The following VAC14 variants were observed in gnomAD, a reference collection of about 807,000 sequenced individuals.
VAC14 encodes VAC14 component of PIKFYVE complex, also known as protein VAC14 homolog.
A neutral mutation model predicts 85.3 loss-of-function variants in VAC14; 47 were observed. The ratio of observed to expected loss-of-function variants is 0.55; its 90% CI spans 0.44 to 0.70. The LOEUF (loss-of-function observed/expected upper bound fraction) is 0.70. VAC14 is among the 30% of genes least tolerant of loss of function. The probability of loss-of-function intolerance (pLI) is 0.00; values close to 1 mark genes in which losing one functional copy is unlikely to be tolerated. For synonymous variants in VAC14, 447 were observed against 430.5 expected, an observed-to-expected ratio of 1.04 and a Z score of -0.47; for missense variants, 861 against 1,004.3, an observed-to-expected ratio of 0.86 and a Z score of 1.93.
intron 12 of VAC14, among the ~76,000 whole-genome samples, chr16:70,761,519 C>T (rs1597961074): frequency 6.6e-6 from 1 of 152,200 alleles, no homozygotes; most frequent in Non-Finnish European, 1.5e-5. Flanking sequence ...CAAACCCTGC[C>T]GCTTGGCTGG....
At chr16:70,774,404 C>T (rs541867175) in intron 9 of VAC14, among the ~76,000 whole-genome samples, 21 of 152,296 alleles carry the variant, frequency 1.4e-4, no homozygotes, top group Non-Finnish European at 2.2e-4. Context: ...TGCACCCTAT[C>T]GGGGGAACGT....
At chr16:70,723,818 G>A (rs545873511) in intron 14 of VAC14, among the ~76,000 whole-genome samples, 35 of 152,246 alleles carry the variant, frequency 2.3e-4, no homozygotes, top group Non-Finnish European at 4.7e-4. Flanking sequence ...TGAACCTGAT[G>A]AGGGGTCTGA....
chr16:70,718,838 G>A (rs2054223593), intron 14 of VAC14, among the ~76,000 whole-genome samples: 2 of 152,186 alleles, frequency 1.3e-5, no homozygotes, highest in African/African-American at 2.4e-5. Context: ...ATGCCCAGGC[G>A]ATGTGGTGGC....
Position 70,688,070 on chromosome 16 carries a change from G to A in VAC14, c.2207C>T (p.Pro736Leu), listed in dbSNP as rs1170143905. 1.3e-6 allele frequency: 2 copies of A among 1,592,212 alleles called. No individual in the cohort carries two copies. The highest frequency in any genetic ancestry group is 1.7e-4 in the Middle Eastern group (1 of 6,000). ...AGGGGAGTCAGCTTTCTGGGACTTG[G>A]GGGCTGCCTTTAGACTGTCTCTGGG... is the stretch of plus-strand genomic sequence containing the variant. ...LQTEDSLKAA[P>L]KSQKADSPSI... The change falls in exon 19 of 19, where the codon CCC becomes CTC. Residue 736 changes from proline (P) to leucine (L), a missense_variant. This residue lies in a region of VAC14 where 163 missense variants were observed against 162.2 expected (regional missense o/e 1.00). Transcript: ENST00000261776.
At chr16:70,782,762 C>A (rs1479206799) in intron 7 of VAC14, among the ~76,000 whole-genome samples, 1 of 152,230 alleles carries the variant, frequency 6.6e-6, no homozygotes, top group Non-Finnish European at 1.5e-5. Flanking sequence ...GCCAAGTTCA[C>A]CAGTAAGGAA....
chr16:70,734,975 C>T (rs1368351713), intron 13 of VAC14, among the ~76,000 whole-genome samples: 2 of 152,192 alleles, frequency 1.3e-5, no homozygotes, highest in East Asian at 3.8e-4. Context: ...CTGCCTGTCT[C>T]TTCGGCACTA....
intron 12 of VAC14, among the ~76,000 whole-genome samples, chr16:70,746,653 A>G (rs968052248): frequency 6.6e-6 from 1 of 152,254 alleles, no homozygotes; most frequent in Non-Finnish European, 1.5e-5. Context: ...CACTGAGGAC[A>G]GAGCCTCCAG....
chr16:70,750,039 C>CTT, intron 12 of VAC14, among the ~76,000 whole-genome samples: 2 of 152,336 alleles, frequency 1.3e-5, no homozygotes, highest in South Asian at 4.1e-4. Flanking sequence ...ACCTGGAGAC[C>CTT]CTGCAACCCT....
In VAC14 at chr16:70,763,055, G is replaced by A. The variant is rs73577152; in HGVS notation, c.1161-30C>T. 5,692 of 1,613,720 alleles carry A rather than the reference G, an allele frequency of 3.5e-3. 159 individuals carry two copies. In the African/African-American group the frequency reaches 0.063, roughly 18 times the overall value. ...GGGTAAGATCGGGAGGGAGAGCAGA[G>A]GTGAAGCCCACCATAGCCCTCTCCC... On this transcript the variant is annotated intron_variant, in intron 10 of 18. Coordinates refer to ENST00000261776, the MANE Select transcript of VAC14 (RefSeq NM_018052.5).
chr16:70,772,851 A>G (rs1202340243), intron 9 of VAC14: 2 of 152,258 alleles, frequency 1.3e-5, no homozygotes, highest in Non-Finnish European at 2.9e-5. Context: ...AGATGAATGG[A>G]TAAATGAGGT....
chr16:70,772,297 G>T, intron 9 of VAC14, 125 bp from the exon 10 acceptor site: 1 of 787,606 alleles, frequency 1.3e-6, no homozygotes, highest in South Asian at 1.7e-5. Flanking sequence ...CTCTTCAAAA[G>T]GACCATGGCT....
At chr16:70,792,515 C>A (rs2034383190) in intron 1 of VAC14, among the ~76,000 whole-genome samples, 1 of 152,244 alleles carries the variant, frequency 6.6e-6, no homozygotes, top group South Asian at 2.1e-4. Flanking sequence ...CCTCTAGAGG[C>A]TGCTCAGAGC....
chr16:70,702,111 C>T (rs79469313), intron 14 of VAC14, among the ~76,000 whole-genome samples: 3,631 of 152,346 alleles, frequency 0.024, 158 homozygotes, highest in African/African-American at 0.081. Context: ...TGACCCTCCA[C>T]CCCCTCCGCC....
intron 18 of VAC14, chr16:70,690,983 G>A (rs1282712921): frequency 1.0e-6 from 1 of 985,014 alleles, no homozygotes; most frequent in Admixed American, 6.1e-5. Flanking sequence ...CTTGCTGGAG[G>A]TCACACAACA....
intron 18 of VAC14, chr16:70,691,475 T>C (rs1406947912): frequency 5.1e-6 from 5 of 985,086 alleles, no homozygotes; most frequent in South Asian, 4.7e-5. Flanking sequence ...TCTCTCGGAG[T>C]CTCTCGGGAG....
chr16:70,793,050 G>A (rs1026289424), intron 1 of VAC14, among the ~76,000 whole-genome samples: 2 of 152,028 alleles, frequency 1.3e-5, no homozygotes, highest in Non-Finnish European at 2.9e-5. Context: ...ATCTCCCTAA[G>A]CCACTTCAGC....
intron 10 of VAC14, chr16:70,771,772 G>C (rs1373222261): frequency 4.7e-6 from 1 of 211,026 alleles, no homozygotes; most frequent in African/African-American, 2.3e-5. Context: ...GTAAAAACAG[G>C]GTCTCGCCAT....
chr16:70,784,899 C>A, intron 3 of VAC14, 61 bp from the exon 4 acceptor site: 2 of 1,479,076 alleles, frequency 1.4e-6, no homozygotes, highest in Non-Finnish European at 1.9e-6. Flanking sequence ...GATGCAAGAC[C>A]AGGGATTTCC....
chr16:70,724,658 C>T (rs1011934447), intron 14 of VAC14, among the ~76,000 whole-genome samples: 1 of 152,224 alleles, frequency 6.6e-6, no homozygotes, highest in Non-Finnish European at 1.5e-5. Flanking sequence ...GCACACACTC[C>T]TCTGCGTCCC....
Sources: allele counts gnomAD v4.1 joint callset (sites outside exome capture counted in the v4.1 genomes callset), GRCh38; gene constraint gnomAD v4.1.1; regional missense constraint gnomAD v4.1.1; transcripts MANE v1.5; gene names NCBI Gene and HGNC (gene_info 2026-07-23, HGNC 2026-07-21).